Variants in PM20D2 observed in about 807,000 individuals in gnomAD.
PM20D2 encodes the protein xaa-Arg dipeptidase.
In PM20D2, 33 loss-of-function variants were observed where a neutral mutation model predicts 42.9. That is an observed-to-expected ratio of 0.77 (90% CI 0.58 to 1.03). The LOEUF (loss-of-function observed/expected upper bound fraction) is 1.03, where lower values mean the gene tolerates loss of function less well. PM20D2 is among the 50% of genes least tolerant of loss of function. The probability of loss-of-function intolerance (pLI) is 0.00; values close to 1 mark genes in which losing one functional copy is unlikely to be tolerated. For missense variants in PM20D2, 548 were observed against 557.0 expected, an observed-to-expected ratio of 0.98 and a Z score of 0.16; for synonymous variants, 250 against 228.2, an observed-to-expected ratio of 1.10 and a Z score of -0.86.
Position 89,164,554 on chromosome 6 carries a change from G to T in PM20D2, c.*2291G>T, listed in dbSNP as rs1562267669. On this transcript the variant is annotated 3_prime_UTR_variant, in exon 7 of 7. Coordinates refer to ENST00000275072, the MANE Select transcript of PM20D2 (RefSeq NM_001010853.3). ...GGCAGGAGCGTGGACTTAAAACAAGGCTTGCTTATTTGGTTTTGTCAAAGT... is the reference window on the plus strand; with the variant it reads ...GGCAGGAGCGTGGACTTAAAACAAGTCTTGCTTATTTGGTTTTGTCAAAGT... 6.6e-6 allele frequency: 1 copy of T among 152,404 alleles called. No homozygotes were observed. Among genetic ancestry groups the T allele is most frequent in the Non-Finnish European group, 1.5e-5 (1 of 67,976 alleles). The allele number at this position is 152,404 out of a possible 1,614,324, so 9.4% of individuals were successfully genotyped here.
intron 2 of PM20D2, among the ~76,000 whole-genome samples, chr6:89,151,248 T>TTC (rs1554186693): frequency 6.6e-6 from 1 of 151,330 alleles, no homozygotes. Flanking sequence ...TTTTTTTTTT[T>TTC]CCGAGAGAGT....
chr6:89,136,870 G>A, the PM20D2 span, among the ~76,000 whole-genome samples: 2 of 150,918 alleles, frequency 1.3e-5, no homozygotes, highest in African/African-American at 5.0e-5. Flanking sequence ...TCTCTGGTAC[G>A]ACTAGTGGAG....
upstream of PM20D2, among the ~76,000 whole-genome samples, chr6:89,143,208 C>A (rs1475274748): frequency 1.3e-5 from 2 of 152,072 alleles, no homozygotes; most frequent in East Asian, 3.9e-4. Context: ...CATACAAAAG[C>A]CTGCTGCCTT....
rs770700186 is a variant in PM20D2 at position 89,146,583 on chromosome 6, C to T, written c.439C>T (p.Leu147Phe). 1.2e-5 allele frequency: 17 copies of T among 1,463,750 alleles called. No homozygotes were observed. Among genetic ancestry groups the T allele is most frequent in the South Asian group, 1.1e-4 (8 of 76,004 alleles). The allele number at this position is 1,463,750 out of a possible 1,614,324, so 90.7% of individuals were successfully genotyped here. Residue 147 changes from leucine (L) to phenylalanine (F), a missense_variant, in exon 1 of 7, where the codon CTC becomes TTC. By Grantham distance (22) the Leu-to-Phe change is conservative. Transcript: ENST00000275072. ...ALGVRGALEG[L>F]PRPPPPVKVV... ...GGGCGTGAGGGGGGCCTTAGAGGGCCTCCCCAGGCCGCCTCCGCCCGTGAA... is the reference window on the plus strand; with the variant it reads ...GGGCGTGAGGGGGGCCTTAGAGGGCTTCCCCAGGCCGCCTCCGCCCGTGAA...
the PM20D2 span, among the ~76,000 whole-genome samples, chr6:89,110,815 T>C: frequency 6.6e-6 from 1 of 152,070 alleles, no homozygotes; most frequent in Non-Finnish European, 1.5e-5. Context: ...CAAAAACATG[T>C]GTTAGAATTC....
chr6:89,130,087 CTTGTT>C, the PM20D2 span, among the ~76,000 whole-genome samples: 964 of 149,682 alleles, frequency 6.4e-3, 11 homozygotes, highest in East Asian at 0.052. Flanking sequence ...TTTGTTGTGT[CTTGTT>C]TTATTTCTGG....
In PM20D2 at chr6:89,146,155, G is replaced by T; in HGVS notation, c.11G>T (p.Gly4Val). 2 of 1,504,882 alleles carry T rather than the reference G, an allele frequency of 1.3e-6. No homozygotes were observed. Among genetic ancestry groups the T allele is most frequent in the Non-Finnish European group, 8.8e-7 (1 of 1,133,972 alleles). The allele number at this position is 1,504,882 out of a possible 1,614,324, so 93.2% of individuals were successfully genotyped here. A position where few individuals can be genotyped will look rare whatever the true frequency, so the allele number is the denominator to read the frequency against. The change falls in exon 1 of 7, where the codon GGA becomes GTA. Residue 4 changes from glycine to valine, a missense_variant. Physicochemically the swap from Gly to Val is moderately radical, Grantham distance 109. This residue lies in a region of PM20D2 where 470 missense variants were observed against 464.4 expected (regional missense o/e 1.01). Coordinates refer to ENST00000275072, the MANE Select transcript of PM20D2 (RefSeq NM_001010853.3). ...GCGGGCTTGGGCAGCATGAGGCCCG[G>T]AGGGGAGCGGCCCGTGGAAGGGGGC... Reference protein sequence around the residue: MRPGGERPVEGGAC... With the variant: MRPVGERPVEGGAC...
the PM20D2 span, among the ~76,000 whole-genome samples, chr6:89,110,655 G>A: frequency 6.6e-6 from 1 of 152,152 alleles, no homozygotes; most frequent in South Asian, 2.1e-4. Context: ...TCAGTTCTAG[G>A]AAGTCACTGT....
the PM20D2 span, among the ~76,000 whole-genome samples, chr6:89,128,882 A>G: frequency 2.0e-5 from 3 of 152,176 alleles, no homozygotes; most frequent in East Asian, 3.9e-4. Context: ...CAAATGCTCA[A>G]TATCTATATG....
At chr6:89,128,952 A>G in the PM20D2 span, among the ~76,000 whole-genome samples, 7 of 152,220 alleles carry the variant, frequency 4.6e-5, no homozygotes, top group Admixed American at 6.5e-5. Context: ...AAAAAAGCAC[A>G]TTAATACCAC....
chr6:89,156,161 G>C (rs1356130409), intron 4 of PM20D2, among the ~76,000 whole-genome samples: 1 of 152,136 alleles, frequency 6.6e-6, no homozygotes, highest in Non-Finnish European at 1.5e-5. Context: ...TGGAATTACA[G>C]GTGTGAGCCA....
At chr6:89,155,103 C>A (rs144343201) in intron 4 of PM20D2, among the ~76,000 whole-genome samples, 1 of 152,010 alleles carries the variant, frequency 6.6e-6, no homozygotes, top group Non-Finnish European at 1.5e-5. Context: ...GATGACAGGT[C>A]ATCTTACTTA....
chr6:89,162,467 G>T lies in PM20D2; in HGVS notation c.*204G>T. ...GCAAATCCGTACTTGATAGGATTAT[G>T]ATATTACAGGAGCTGGTATGTGATG... On this transcript the variant is annotated 3_prime_UTR_variant, in exon 7 of 7. Coordinates refer to ENST00000275072, the MANE Select transcript of PM20D2 (RefSeq NM_001010853.3). 2.2e-6 allele frequency: 1 copy of T among 449,042 alleles called. No individual in the cohort carries two copies. Among genetic ancestry groups the T allele is most frequent in the South Asian group, 4.0e-5 (1 of 24,760 alleles). The allele number at this position is 449,042 out of a possible 1,614,324, so 27.8% of individuals were successfully genotyped here.
At position 89,164,850 on chromosome 6, in the gene PM20D2, C is replaced by T. The variant is rs1254284100; in HGVS notation, c.*2587C>T. ...AACTTTTTTACAAGAGTGATATTAA[C>T]TTGGATTTATTTTTCAATATAATTT... On this transcript the variant is annotated 3_prime_UTR_variant, in exon 7 of 7. Coordinates refer to ENST00000275072, the MANE Select transcript of PM20D2 (RefSeq NM_001010853.3). The T allele has an allele frequency of 2.0e-5, 3 of 147,104 alleles. No individual in the cohort carries two copies. Among genetic ancestry groups the T allele is most frequent in the Admixed American group, 6.9e-5 (1 of 14,598 alleles). 9.1% of individuals were successfully genotyped at this position (147,104 alleles called of 1,614,324 possible).
chr6:89,113,816 T>G, the PM20D2 span, among the ~76,000 whole-genome samples: 1 of 152,078 alleles, frequency 6.6e-6, no homozygotes, highest in African/African-American at 2.4e-5. Context: ...CTAATTTTTG[T>G]ATTTTTTGGT....
chr6:89,131,192 C>T, the PM20D2 span, among the ~76,000 whole-genome samples: 1 of 152,042 alleles, frequency 6.6e-6, no homozygotes, highest in Admixed American at 6.6e-5. Context: ...ATAAATTAAT[C>T]TATTAACCCA....
At position 89,161,842 on chromosome 6, in the gene PM20D2, AT is replaced by A; in HGVS notation, c.1110del (p.Ile370MetfsTer6). On this transcript the variant is annotated frameshift_variant, in exon 6 of 7. Coordinates refer to ENST00000275072, the MANE Select transcript of PM20D2 (RefSeq NM_001010853.3). LOFTEE classifies it high-confidence loss of function. ...TCCTGGAATTCATCCATATTTTCAC[AT>A]TGGATCTAATGCCTTGAATCATACT... ...VVPGIHPYFH[I>X]GSNALNHTEQ... 2 of 1,613,804 alleles carry A rather than the reference AT, an allele frequency of 1.2e-6. No individual in the cohort carries two copies. Among genetic ancestry groups the A allele is most frequent in the Non-Finnish European group, 1.7e-6 (2 of 1,179,646 alleles).
At chr6:89,103,911 T>C in the PM20D2 span, among the ~76,000 whole-genome samples, 14 of 152,196 alleles carry the variant, frequency 9.2e-5, no homozygotes, top group Admixed American at 6.5e-5. Context: ...GAATTTATTC[T>C]TGATAACTTA....
chr6:89,151,528 A>G (rs947106578), intron 2 of PM20D2, among the ~76,000 whole-genome samples: 2 of 152,180 alleles, frequency 1.3e-5, no homozygotes, highest in African/African-American at 2.4e-5. Flanking sequence ...AGGCCCAACC[A>G]CAAATTTCTA....
Sources: gnomAD v4.1 joint callset for allele counts (sites outside exome capture counted in the v4.1 genomes callset) on GRCh38, gnomAD v4.1.1 for gene constraint, gnomAD v4.1.1 regional missense constraint, MANE v1.5 for transcripts, NCBI Gene and HGNC (gene_info 2026-07-23, HGNC 2026-07-21) for gene names.